The following WLS variants were observed in gnomAD, a reference collection of about 807,000 sequenced individuals.
WLS encodes the protein protein wntless homolog.
In WLS, 23 loss-of-function variants were observed where a neutral mutation model predicts 62.8. That is an observed-to-expected ratio of 0.37 (90% CI 0.26 to 0.52). The LOEUF is 0.52. Ranked by LOEUF, WLS falls within the 20% of genes least tolerant of loss-of-function variation. The pLI, the probability that WLS is intolerant of heterozygous loss-of-function variation, is 0.92. For missense variants in WLS, 615 were observed against 697.3 expected (o/e 0.88, Z 1.33); for synonymous variants, 246 against 244.1 (o/e 1.01, Z -0.07).
At chr1:68,231,897 C>G in intron 1 of WLS, 1 of 476,934 alleles carries the variant, frequency 2.1e-6, no homozygotes. Context: ...TGTAACCCAG[C>G]GCTTCCTCGC....
chr1:68,139,748 T>C (rs1646660384), intron 10 of WLS, among the ~76,000 whole-genome samples: 1 of 152,218 alleles, frequency 6.6e-6, no homozygotes, highest in Non-Finnish European at 1.5e-5. Context: ...TGGTGCTCGA[T>C]AGACATATGT....
Position 68,125,784 on chromosome 1 carries a change from T to C in WLS, c.*442A>G, listed in dbSNP as rs1646420911. 1 of 993,296 alleles carries C rather than the reference T, an allele frequency of 1.0e-6. No homozygotes were observed. The highest frequency in any genetic ancestry group is 1.1e-4 in the East Asian group (1 of 9,174). 61.5% of individuals were successfully genotyped at this position (993,296 alleles called of 1,614,324 possible). ...TCATGGATTAGGAGTGAGAAGACTATGACACCAGCCTACCTTGGACTGGGA... is the reference window on the plus strand; with the variant it reads ...TCATGGATTAGGAGTGAGAAGACTACGACACCAGCCTACCTTGGACTGGGA... On this transcript the variant is annotated 3_prime_UTR_variant, in exon 12 of 12. Transcript: ENST00000262348.
At chr1:68,126,447 A>C (rs1325985391) in intron 11 of WLS, 112 bp from the exon 12 acceptor site, 1 of 1,385,558 alleles carries the variant, frequency 7.2e-7, no homozygotes, top group Non-Finnish European at 9.9e-7. Flanking sequence ...TTCTGAGCAC[A>C]CAGAGACACC....
chr1:68,167,182 T>C (rs768261580), intron 2 of WLS, among the ~76,000 whole-genome samples: 1 of 152,216 alleles, frequency 6.6e-6, no homozygotes, highest in African/African-American at 2.4e-5. Context: ...GGTAAGGTAT[T>C]GTTGTTGACA....
At chr1:68,207,302 T>C (rs573308674) in intron 1 of WLS, among the ~76,000 whole-genome samples, 1 of 152,342 alleles carries the variant, frequency 6.6e-6, no homozygotes, top group East Asian at 1.9e-4. Context: ...TCCAATACAA[T>C]GAAATAATTT....
chr1:68,209,590 C>T (rs887628781), intron 1 of WLS, among the ~76,000 whole-genome samples: 4 of 152,086 alleles, frequency 2.6e-5, no homozygotes, highest in Non-Finnish European at 5.9e-5. Flanking sequence ...ACCAGCCTGA[C>T]CAACATGGAG....
intron 11 of WLS, among the ~76,000 whole-genome samples, chr1:68,114,597 G>A (rs1646267441): frequency 6.6e-6 from 1 of 152,186 alleles, no homozygotes; most frequent in Non-Finnish European, 1.5e-5. Flanking sequence ...TCCGTTTCAT[G>A]CTAAATGTGA....
At chr1:68,157,019 G>A (rs560240472) in intron 3 of WLS, among the ~76,000 whole-genome samples, 12 of 152,338 alleles carry the variant, frequency 7.9e-5, no homozygotes, top group African/African-American at 2.6e-4. Flanking sequence ...AATTCCATCT[G>A]GTGTGTGTCT....
intron 1 of WLS, among the ~76,000 whole-genome samples, chr1:68,219,149 G>C (rs1649848521): frequency 6.6e-6 from 1 of 152,156 alleles, no homozygotes; most frequent in Non-Finnish European, 1.5e-5. Context: ...ATATACTTCT[G>C]TGTGTTCCCT....
In WLS at chr1:68,145,765, A is replaced by G. The variant is rs1478465165; in HGVS notation, c.1278+104T>C. 31 of 1,509,160 alleles carry G rather than the reference A, an allele frequency of 2.1e-5. No homozygotes were observed. The South Asian group carries it at 3.4e-4, about 16-fold the overall frequency. 93.5% of individuals were successfully genotyped at this position (1,509,160 alleles called of 1,614,324 possible). On this transcript the variant is annotated intron_variant, in intron 9 of 11. Coordinates refer to ENST00000262348, the MANE Select transcript of WLS (RefSeq NM_024911.7). The stretch of plus-strand genomic sequence containing the variant: ...CCTACATGAGAATCTCTCAATTTGT[A>G]TTTCAAAGTAAAGGCTTTCTATCTC...
intron 11 of WLS, chr1:68,127,257 A>ATATC (rs1474237182): frequency 5.0e-6 from 1 of 200,046 alleles, no homozygotes; most frequent in Non-Finnish European, 1.1e-5. Flanking sequence ...AGACCTGCTT[A>ATATC]TATCTATCCA....
intron 2 of WLS, 143 bp from the exon 3 acceptor site, chr1:68,159,390 G>T: frequency 1.8e-6 from 2 of 1,126,344 alleles, no homozygotes; most frequent in Non-Finnish European, 2.4e-6. Context: ...CAAACCTGAA[G>T]ACTTAGAAGT....
At position 68,153,624 on chromosome 1, in the gene WLS, C is replaced by T. The variant is rs1363086223; in HGVS notation, c.696G>A (p.Lys232=). 3.1e-6 allele frequency: 5 copies of T among 1,614,090 alleles called. No homozygotes were observed. The highest frequency in any genetic ancestry group is 1.7e-5 in the Admixed American group (1 of 60,008). ...VGIHQNGGFT[K]VWFAMKTFLT... is the part of the protein sequence containing the mutation. ...GGAAGGTCTTCATGGCAAACCACACCTTGGTGAAGCCTCCATTTTGGTGGA... is the reference window on the plus strand; with the variant it reads ...GGAAGGTCTTCATGGCAAACCACACTTTGGTGAAGCCTCCATTTTGGTGGA... Residue 232 remains lysine, a synonymous_variant, in exon 5 of 12, where the codon AAG becomes AAA. Coordinates refer to ENST00000262348, the MANE Select transcript of WLS (RefSeq NM_024911.7).
intron 11 of WLS, among the ~76,000 whole-genome samples, chr1:68,101,331 C>T (rs1646075745): frequency 6.6e-6 from 1 of 151,282 alleles, no homozygotes; most frequent in African/African-American, 2.5e-5. Context: ...TTATTATAGG[C>T]ATCAGCAACC....
At chr1:68,136,665 A>G (rs1646615595) in intron 11 of WLS, among the ~76,000 whole-genome samples, 1 of 152,220 alleles carries the variant, frequency 6.6e-6, no homozygotes, top group South Asian at 2.1e-4. Context: ...CATGGAGACA[A>G]TATTCCATTG....
At chr1:68,210,449 C>T (rs1404418525) in intron 1 of WLS, among the ~76,000 whole-genome samples, 6 of 152,322 alleles carry the variant, frequency 3.9e-5, no homozygotes, top group African/African-American at 1.4e-4. Flanking sequence ...ACAATGCAGT[C>T]ATGGAAGCCA....
chr1:68,217,865 G>C (rs1211664799), intron 1 of WLS, among the ~76,000 whole-genome samples: 2 of 152,146 alleles, frequency 1.3e-5, no homozygotes, highest in African/African-American at 4.8e-5. Flanking sequence ...GCATGGCAAG[G>C]ACACAGCGGT....
intron 2 of WLS, among the ~76,000 whole-genome samples, chr1:68,170,160 C>CTTTTTTTCTTTTT (rs1553131191): frequency 0.03 from 2,603 of 86,776 alleles, 58 homozygotes; most frequent in Middle Eastern, 0.071. Flanking sequence ...GCTACTATTT[C>CTTTTTTTCTTTTT]TTTTTTTTTT....
chr1:68,102,390 C>T lies in WLS; in HGVS notation c.1511-3637G>A, dbSNP rs269346. The stretch of plus-strand genomic sequence containing the variant: ...GCTTCTGCTTTCCTATGGGGAGAAC[C>T]GTTGAATCGTAGCCTGGGATCTGGA... On this transcript the variant is annotated intron_variant, in intron 11 of 11. Coordinates refer to the WLS transcript ENST00000354777. Among the ~76,000 whole-genome samples, 8 of 151,898 alleles carry T rather than the reference C, an allele frequency of 5.3e-5. No homozygotes were observed. In the South Asian group the frequency reaches 8.3e-4, roughly 16 times the overall value.
Sources: gnomAD v4.1 joint callset for allele counts (sites outside exome capture counted in the v4.1 genomes callset) on GRCh38, gnomAD v4.1.1 for gene constraint, MANE v1.5 for transcripts, NCBI Gene and HGNC (gene_info 2026-07-23, HGNC 2026-07-21) for gene names.